The following BACH2 variants were observed in gnomAD, a reference collection of about 807,000 sequenced individuals.
The protein encoded by BACH2 is transcription regulator protein BACH2.
BACH2 carries 5 observed loss-of-function variants against 61.8 expected under a neutral mutation model. The observed-to-expected ratio is 0.08, with a 90% CI of 0.04 to 0.17. BACH2 has a LOEUF of 0.17. BACH2 is among the 10% of genes least tolerant of loss of function. BACH2 has a pLI of 1.00. For missense variants in BACH2, 824 were observed against 1,091.1 expected (o/e 0.76, Z 3.45); for synonymous variants, 446 against 440.1 (o/e 1.01, Z -0.17).
chr6:90,122,429 C>T lies in BACH2; in HGVS notation c.-161-33320G>A, dbSNP rs1783668514. ...CAAGAACAATCAAAAAAAAGGTTTA[C>T]AGGAAAGGACTTCTTGAAGGCAGTA... On this transcript the variant is annotated intron_variant, in intron 4 of 8. Transcript: ENST00000257749. Among the ~76,000 whole-genome samples, 4 of 152,124 alleles carry T rather than the reference C, an allele frequency of 2.6e-5. No individual in the cohort carries two copies. In the South Asian group the frequency reaches 8.3e-4, roughly 31 times the overall value.
chr6:90,022,291 T>C (rs1778419285), intron 5 of BACH2, among the ~76,000 whole-genome samples: 2 of 152,178 alleles, frequency 1.3e-5, no homozygotes, highest in African/African-American at 4.8e-5. Context: ...TATTTAAATG[T>C]AATCGACATC....
chr6:90,101,297 C>G (rs773038348), intron 4 of BACH2, among the ~76,000 whole-genome samples: 24 of 152,234 alleles, frequency 1.6e-4, no homozygotes, highest in Middle Eastern at 6.8e-3. Flanking sequence ...GGTGTTATAT[C>G]TAAGAATCCA....
intron 4 of BACH2, among the ~76,000 whole-genome samples, chr6:90,093,824 G>C (rs995520432): frequency 3.3e-5 from 5 of 152,176 alleles, no homozygotes; most frequent in Admixed American, 3.3e-4. Flanking sequence ...ATTGATTTCC[G>C]AAGACCTCAC....
At chr6:90,196,684 C>T (rs1768770803) in intron 4 of BACH2, among the ~76,000 whole-genome samples, 1 of 152,074 alleles carries the variant, frequency 6.6e-6, no homozygotes, top group Admixed American at 6.6e-5. Context: ...TTCTCATTAA[C>T]AGGTGCTCCT....
chr6:90,084,758 A>C (rs1199230099), intron 5 of BACH2, among the ~76,000 whole-genome samples: 3 of 152,102 alleles, frequency 2.0e-5, no homozygotes, highest in African/African-American at 4.8e-5. Flanking sequence ...TCCTTAAGCA[A>C]AATTATATAT....
At chr6:90,233,745 T>A (rs984481739) in intron 3 of BACH2, among the ~76,000 whole-genome samples, 1 of 152,170 alleles carries the variant, frequency 6.6e-6, no homozygotes, top group Non-Finnish European at 1.5e-5. Context: ...CCAGTGTAAA[T>A]CCTATGGTCT....
intron 4 of BACH2, among the ~76,000 whole-genome samples, chr6:90,176,651 C>T (rs1021697420): frequency 6.6e-6 from 1 of 152,060 alleles, no homozygotes; most frequent in African/African-American, 2.4e-5. Flanking sequence ...CTACCCTTAC[C>T]TCCTTCCACT....
At chr6:89,955,147 G>A (rs1774355792) in intron 6 of BACH2, among the ~76,000 whole-genome samples, 1 of 152,240 alleles carries the variant, frequency 6.6e-6, no homozygotes, top group Non-Finnish European at 1.5e-5. Context: ...CTATGAAGCA[G>A]GGAGGTGAAG....
At chr6:90,138,051 AAAAC>A (rs1296932241) in intron 4 of BACH2, among the ~76,000 whole-genome samples, 1,832 of 93,766 alleles carry the variant, frequency 0.02, 44 homozygotes, top group African/African-American at 0.062. Context: ...TTCTAATCAT[AAAAC>A]ACACACACAC....
intron 5 of BACH2, among the ~76,000 whole-genome samples, chr6:90,061,775 TTGAC>T (rs1318929879): frequency 1.3e-5 from 2 of 151,906 alleles, no homozygotes; most frequent in Non-Finnish European, 2.9e-5. Context: ...AAGGGAGTGA[TTGAC>T]TGTGCTGGAA....
At chr6:90,253,859 G>A (rs182565802) in intron 2 of BACH2, among the ~76,000 whole-genome samples, 2 of 152,168 alleles carry the variant, frequency 1.3e-5, no homozygotes, top group Non-Finnish European at 2.9e-5. Flanking sequence ...AATGCAGTAT[G>A]TACATAGTCA....
chr6:90,263,576 C>T (rs574246664), intron 2 of BACH2, among the ~76,000 whole-genome samples: 6 of 152,264 alleles, frequency 3.9e-5, no homozygotes, highest in Non-Finnish European at 7.4e-5. Context: ...ACATGCCATC[C>T]ACTTAACTTT....
chr6:89,933,145 C>T (rs145562389), intron 8 of BACH2, among the ~76,000 whole-genome samples: 3 of 152,168 alleles, frequency 2.0e-5, no homozygotes, highest in East Asian at 1.9e-4. Context: ...GGCAAACAAC[C>T]GGCAAAATCG....
At chr6:90,128,813 A>C (rs1783976347) in intron 4 of BACH2, among the ~76,000 whole-genome samples, 1 of 152,240 alleles carries the variant, frequency 6.6e-6, no homozygotes, top group African/African-American at 2.4e-5. Context: ...GAACCAACCC[A>C]AATGTCCAAC....
chr6:90,012,323 T>C (rs1385063142), intron 5 of BACH2, among the ~76,000 whole-genome samples: 1 of 152,054 alleles, frequency 6.6e-6, no homozygotes, highest in African/African-American at 2.4e-5. Context: ...TCTCTTTATT[T>C]AGATCATCTT....
intron 6 of BACH2, among the ~76,000 whole-genome samples, chr6:89,973,069 A>C (rs1775458095): frequency 6.6e-6 from 1 of 152,142 alleles, no homozygotes; most frequent in African/African-American, 2.4e-5. Context: ...CAGCCTGGGC[A>C]ACAAGAGCGA....
chr6:90,013,228 CT>C (rs1311793775), intron 5 of BACH2, among the ~76,000 whole-genome samples: 4 of 152,114 alleles, frequency 2.6e-5, no homozygotes, highest in African/African-American at 9.7e-5. Context: ...AGATCTCTTA[CT>C]TTTTTTCCAA....
chr6:90,100,724 CACAG>C (rs1203801343), intron 4 of BACH2, among the ~76,000 whole-genome samples: 3 of 57,546 alleles, frequency 5.2e-5, no homozygotes, highest in African/African-American at 2.6e-4. Context: ...CACACACACA[CACAG>C]ACACACACAC....
rs1466499840 is a variant in BACH2, at chr6:89,950,424, T to C, written c.1682A>G (p.His561Arg). The C allele has an allele frequency of 1.2e-6, 2 of 1,614,036 alleles. No homozygotes were observed. Among genetic ancestry groups the C allele is most frequent in the South Asian group, 1.1e-5 (1 of 91,088 alleles). Reference sequence around the variant, plus strand: ...ATCTCCCATCAGGCCTGGTTCCTGATGTTCTGTGGCAAGGAATCTGGCTCC... The same window carrying C: ...ATCTCCCATCAGGCCTGGTTCCTGACGTTCTGTGGCAAGGAATCTGGCTCC... ...SQGARFLATE[H>R]QEPGLMGDGM... The change falls in exon 7 of 9, where the codon CAT becomes CGT. Residue 561 changes from histidine to arginine, a missense_variant. Physicochemically the swap from His to Arg is conservative, Grantham distance 29 (BLOSUM62 0). Around this residue, in one of 8 missense-constraint regions of BACH2, gnomAD observed 160 missense variants for 283.5 expected, o/e 0.56. Transcript: ENST00000257749. This position sits in a 1 kb window ranked among gnomAD's most constrained non-coding sequence, Gnocchi z 5.3.
Sources: gnomAD v4.1 joint callset for allele counts (sites outside exome capture counted in the v4.1 genomes callset) on GRCh38, gnomAD v4.1.1 for gene constraint, gnomAD v4.1.1 regional missense constraint, Gnocchi (gnomAD v3.1) non-coding constraint, MANE v1.5 for transcripts, NCBI Gene and HGNC (gene_info 2026-07-23, HGNC 2026-07-21) for gene names.